MYO1D: variants seen among roughly 807,000 people sequenced by gnomAD.
MYO1D encodes the protein unconventional myosin-Id.
Under a neutral mutation model 122.0 loss-of-function variants are expected in MYO1D, and 83 were observed. The ratio of observed to expected loss-of-function variants is 0.68; its 90% CI spans 0.57 to 0.82. MYO1D has a LOEUF of 0.82. Ranked by LOEUF, MYO1D falls within the 40% of genes least tolerant of loss-of-function variation. The probability of loss-of-function intolerance (pLI) is 0.00; values close to 1 mark genes in which losing one functional copy is unlikely to be tolerated. For synonymous variants in MYO1D, 464 were observed against 446.9 expected (o/e 1.04, Z -0.48); for missense variants, 1,157 against 1,269.5 (o/e 0.91, Z 1.35).
intron 21 of MYO1D, among the ~76,000 whole-genome samples, chr17:32,571,448 C>G (rs2087226859): frequency 6.6e-6 from 1 of 152,150 alleles, no homozygotes; most frequent in African/African-American, 2.4e-5. Context: ...CTGGAACTTG[C>G]AATTCCACTA....
intron 1 of MYO1D, among the ~76,000 whole-genome samples, chr17:32,824,292 T>C (rs778604715): frequency 3.9e-5 from 6 of 152,186 alleles, no homozygotes; most frequent in Non-Finnish European, 8.8e-5. Context: ...AAAATTTAAC[T>C]TATAAATTCA....
intron 21 of MYO1D, among the ~76,000 whole-genome samples, chr17:32,503,302 G>C (rs557469163): frequency 6.6e-6 from 1 of 152,326 alleles, no homozygotes; most frequent in African/African-American, 2.4e-5. Flanking sequence ...CAGGAAAGCG[G>C]GTCCTGGGAG....
intron 16 of MYO1D, among the ~76,000 whole-genome samples, chr17:32,678,505 G>A (rs1212768177): frequency 3.3e-5 from 5 of 149,268 alleles, no homozygotes; most frequent in African/African-American, 7.4e-5. Context: ...GAGAATATGC[G>A]GTGTTTGGTT....
intron 1 of MYO1D, among the ~76,000 whole-genome samples, chr17:32,845,710 C>G (rs2090931233): frequency 6.6e-6 from 1 of 152,186 alleles, no homozygotes; most frequent in Non-Finnish European, 1.5e-5. Context: ...CTCAGTTGCA[C>G]TGGCCACATT....
chr17:32,509,490 A>G (rs1053392903), intron 21 of MYO1D, among the ~76,000 whole-genome samples: 1 of 152,204 alleles, frequency 6.6e-6, no homozygotes, highest in African/African-American at 2.4e-5. Flanking sequence ...TGCCATTTTT[A>G]TGTCCTGAGG....
Position 32,494,551 on chromosome 17 carries a change from G to T in MYO1D, c.*208C>A. 1.5e-6 allele frequency: 1 copy of T among 653,010 alleles called. No homozygotes were observed. Among genetic ancestry groups the T allele is most frequent in the South Asian group, 2.0e-5 (1 of 49,240 alleles). 40.5% of individuals were successfully genotyped at this position (653,010 alleles called of 1,614,324 possible). On this transcript the variant is annotated 3_prime_UTR_variant, in exon 22 of 22. Transcript: ENST00000318217. ...TCTGGGCGGGGCACCAGGGTCTTTGGCTTATTGAACAGGGACCGTGGACAG... is the reference window on the plus strand; with the variant it reads ...TCTGGGCGGGGCACCAGGGTCTTTGTCTTATTGAACAGGGACCGTGGACAG...
chr17:32,654,331 G>T, intron 18 of MYO1D, 146 bp downstream of exon 18: 1 of 881,114 alleles, frequency 1.1e-6, no homozygotes, highest in Non-Finnish European at 1.7e-6. Flanking sequence ...TGTACATTTA[G>T]AAGCAATAAA....
intron 21 of MYO1D, among the ~76,000 whole-genome samples, chr17:32,539,914 C>T (rs1405374634): frequency 2.6e-5 from 4 of 152,142 alleles, no homozygotes; most frequent in Admixed American, 6.5e-5. Flanking sequence ...CTTTCCATAA[C>T]TCACAGAATC....
At chr17:32,626,839 AG>A (rs1432493022) in intron 20 of MYO1D, among the ~76,000 whole-genome samples, 3 of 152,228 alleles carry the variant, frequency 2.0e-5, no homozygotes, top group African/African-American at 4.8e-5. Flanking sequence ...CACATTTCTT[AG>A]AAGTATTTTA....
intron 1 of MYO1D, among the ~76,000 whole-genome samples, chr17:32,875,152 T>C (rs1011873243): frequency 2.0e-5 from 3 of 152,218 alleles, no homozygotes; most frequent in Non-Finnish European, 1.5e-5. Context: ...ACATAATAAA[T>C]GTACCAATGT....
At chr17:32,743,629 T>C (rs1269886119) in intron 13 of MYO1D, among the ~76,000 whole-genome samples, 4 of 150,740 alleles carry the variant, frequency 2.7e-5, no homozygotes, top group Admixed American at 1.3e-4. Flanking sequence ...ATTATTATTA[T>C]TATTTTGAGA....
At chr17:32,580,354 C>T (rs1346472508) in intron 21 of MYO1D, among the ~76,000 whole-genome samples, 1 of 40,028 alleles carries the variant, frequency 2.5e-5, no homozygotes, top group Non-Finnish European at 4.5e-5. Context: ...ATTTTAAATG[C>T]TTTTTCTGCA....
rs781319401 is a variant in MYO1D, at chr17:32,876,888, G to A, written c.-16C>T. 6.2e-6 allele frequency: 9 copies of A among 1,457,472 alleles called. No homozygotes were observed. The South Asian group carries it at 9.3e-5, about 15-fold the overall frequency. The allele number at this position is 1,457,472 out of a possible 1,614,324, so 90.3% of individuals were successfully genotyped here. On this transcript the variant is annotated 5_prime_UTR_variant, in exon 1 of 22. Coordinates refer to ENST00000318217, the MANE Select transcript of MYO1D (RefSeq NM_015194.3). ...GCTCCGCCATGGCGCCAGCGCGGGG[G>A]CTCAGGTGGGCGCGCTCGGGCCTCC... is the stretch of plus-strand genomic sequence containing the variant.
chr17:32,509,924 G>A (rs1597864457), intron 21 of MYO1D: 1 of 152,270 alleles, frequency 6.6e-6, no homozygotes, highest in South Asian at 2.1e-4. Context: ...AGTTGTAAAG[G>A]GGTCTTAGAT....
At chr17:32,648,396 A>G (rs550045171) in intron 19 of MYO1D, among the ~76,000 whole-genome samples, 1 of 152,362 alleles carries the variant, frequency 6.6e-6, no homozygotes, top group African/African-American at 2.4e-5. Context: ...TAGAGGTTAT[A>G]GAATCACCTT....
intron 20 of MYO1D, among the ~76,000 whole-genome samples, chr17:32,607,909 G>T (rs576004137): frequency 6.6e-6 from 1 of 152,282 alleles, no homozygotes; most frequent in East Asian, 1.9e-4. Context: ...TGGGCATCTG[G>T]ATAACTTGGA....
At chr17:32,724,917 G>C (rs564491605) in intron 14 of MYO1D, among the ~76,000 whole-genome samples, 3 of 152,114 alleles carry the variant, frequency 2.0e-5, no homozygotes, top group Non-Finnish European at 4.4e-5. Flanking sequence ...AGATAATTTT[G>C]CAAATATAAT....
At chr17:32,867,207 T>A (rs1371130223) in intron 1 of MYO1D, among the ~76,000 whole-genome samples, 2 of 151,110 alleles carry the variant, frequency 1.3e-5, no homozygotes, top group Non-Finnish European at 2.9e-5. Flanking sequence ...GTGCCTGTAA[T>A]CCCAGCTACT....
chr17:32,671,893 G>A (rs555344948), intron 16 of MYO1D, among the ~76,000 whole-genome samples: 4 of 152,258 alleles, frequency 2.6e-5, no homozygotes, highest in Admixed American at 1.3e-4. Flanking sequence ...TTAAAAGTTT[G>A]ATCTTTTGTT....
Sources: gnomAD v4.1 joint callset for allele counts (sites outside exome capture counted in the v4.1 genomes callset) on GRCh38, gnomAD v4.1.1 for gene constraint, MANE v1.5 for transcripts, NCBI Gene and HGNC (gene_info 2026-07-23, HGNC 2026-07-21) for gene names.